GXYLT1: variants seen among roughly 807,000 people sequenced by gnomAD.
GXYLT1 encodes glycosyltransferase 8 domain containing 3.
Under a neutral mutation model 54.0 loss-of-function variants are expected in GXYLT1, and 29 were observed. The observed-to-expected ratio is 0.54, with a 90% CI of 0.40 to 0.73. The LOEUF (loss-of-function observed/expected upper bound fraction) is 0.73. Ranked by LOEUF, GXYLT1 falls within the 30% of genes least tolerant of loss-of-function variation. GXYLT1 has a pLI of 0.00. For synonymous variants in GXYLT1, 176 were observed against 204.1 expected (o/e 0.86, Z 1.17); for missense variants, 490 against 553.4 (o/e 0.89, Z 1.15).
chr12:42,137,305 G>A (rs1342091726), intron 1 of GXYLT1, among the ~76,000 whole-genome samples: 1 of 151,848 alleles, frequency 6.6e-6, no homozygotes, highest in Non-Finnish European at 1.5e-5. Context: ...TCAGGAGATC[G>A]AGACCATCCT....
chr12:42,134,895 T>A (rs1324514598), intron 1 of GXYLT1, among the ~76,000 whole-genome samples: 1 of 152,240 alleles, frequency 6.6e-6, no homozygotes, highest in East Asian at 1.9e-4. Context: ...CTTAAAGACC[T>A]TCTTGCATCA....
intron 1 of GXYLT1, among the ~76,000 whole-genome samples, chr12:42,141,384 T>C (rs1263855787): frequency 6.6e-6 from 1 of 152,216 alleles, no homozygotes; most frequent in Non-Finnish European, 1.5e-5. Flanking sequence ...CCTATAAATA[T>C]GTTTTGCTTG....
chr12:42,093,347 C>T (rs1166646151), intron 7 of GXYLT1, among the ~76,000 whole-genome samples: 2 of 152,044 alleles, frequency 1.3e-5, no homozygotes, highest in African/African-American at 4.8e-5. Context: ...GTGATCCGCC[C>T]GCCTCAGCCT....
chr12:42,087,036 A>G lies in GXYLT1; in HGVS notation c.*750T>C, dbSNP rs541033950. ...GTGATTAAAAAAAAATTCCCCAAAT[A>G]TCTATTTAACAATCTTAGATCTGAG... On this transcript the variant is annotated 3_prime_UTR_variant, in exon 8 of 8. Coordinates refer to ENST00000398675, the MANE Select transcript of GXYLT1 (RefSeq NM_173601.2). 2.0e-5 allele frequency: 3 copies of G among 152,286 alleles called. No homozygotes were observed. Among genetic ancestry groups the G allele is most frequent in the South Asian group, 4.1e-4 (2 of 4,828 alleles). 9.4% of individuals were successfully genotyped at this position (152,286 alleles called of 1,614,324 possible).
chr12:42,096,718 C>T (rs922673155), intron 7 of GXYLT1, among the ~76,000 whole-genome samples: 1 of 152,044 alleles, frequency 6.6e-6, no homozygotes, highest in Admixed American at 6.6e-5. Flanking sequence ...TAATGAGAAG[C>T]AGAATGTTTA....
At chr12:42,095,714 C>T (rs1183682546) in intron 7 of GXYLT1, among the ~76,000 whole-genome samples, 1 of 147,742 alleles carries the variant, frequency 6.8e-6, no homozygotes, top group Non-Finnish European at 1.5e-5. Context: ...ATATTAATAT[C>T]CCCCTATCAA....
At chr12:42,095,356 A>C (rs1390024168) in intron 7 of GXYLT1, among the ~76,000 whole-genome samples, 1 of 152,204 alleles carries the variant, frequency 6.6e-6, no homozygotes, top group African/African-American at 2.4e-5. Context: ...AATTCAAGCT[A>C]TTGGAAACTA....
At chr12:42,126,320 A>G (rs192827838) in intron 2 of GXYLT1, among the ~76,000 whole-genome samples, 21 of 152,074 alleles carry the variant, frequency 1.4e-4, no homozygotes, top group Middle Eastern at 3.4e-3. Context: ...GGCGATCGGC[A>G]CGCCTTGGCC....
chr12:42,124,228 A>C (rs2065547674), intron 2 of GXYLT1, among the ~76,000 whole-genome samples: 1 of 151,980 alleles, frequency 6.6e-6, no homozygotes, highest in African/African-American at 2.4e-5. Context: ...GAATTCACAA[A>C]TCTAAAATCA....
At chr12:42,129,141 C>T (rs1316836134) in intron 2 of GXYLT1, among the ~76,000 whole-genome samples, 1 of 152,154 alleles carries the variant, frequency 6.6e-6, no homozygotes, top group East Asian at 1.9e-4. Flanking sequence ...ATACCTGTTT[C>T]TTTCATTCTA....
At chr12:42,105,568 C>T (rs2065414229) in intron 5 of GXYLT1, among the ~76,000 whole-genome samples, 1 of 152,138 alleles carries the variant, frequency 6.6e-6, no homozygotes, top group Non-Finnish European at 1.5e-5. Context: ...AAGATGTTCA[C>T]TACTTAGGGC....
At chr12:42,088,203 G>A (rs1289804679) in intron 7 of GXYLT1, among the ~76,000 whole-genome samples, 1 of 151,558 alleles carries the variant, frequency 6.6e-6, no homozygotes, top group Non-Finnish European at 1.5e-5. Flanking sequence ...CTGAAATACT[G>A]GTTAAGAAGA....
At chr12:42,110,571 G>A (rs530578147) in intron 3 of GXYLT1, among the ~76,000 whole-genome samples, 58 of 152,216 alleles carry the variant, frequency 3.8e-4, no homozygotes, top group African/African-American at 1.1e-3. Context: ...TTGAGACAAG[G>A]TCTCACTCTG....
At chr12:42,097,830 AGATAAGTGCAT>A in intron 6 of GXYLT1, 69 bp downstream of exon 6, 1 of 1,119,368 alleles carries the variant, frequency 8.9e-7, no homozygotes, top group Non-Finnish European at 1.3e-6. Context: ...AGACAGAATC[AGATAAGTGCAT>A]GTTTTCCTTT....
intron 1 of GXYLT1, among the ~76,000 whole-genome samples, chr12:42,141,628 A>G (rs1344466195): frequency 1.3e-5 from 2 of 152,174 alleles, no homozygotes; most frequent in Admixed American, 6.5e-5. Context: ...ATGTCAAACT[A>G]TCAAGTTCTA....
intron 2 of GXYLT1, among the ~76,000 whole-genome samples, chr12:42,128,599 C>G (rs142551565): frequency 1.3e-5 from 2 of 152,272 alleles, no homozygotes; most frequent in Admixed American, 1.3e-4. Context: ...CCCATCAGAA[C>G]GTAAGCTCCA....
At chr12:42,126,090 T>C (rs1288612069) in intron 2 of GXYLT1, among the ~76,000 whole-genome samples, 7 of 151,580 alleles carry the variant, frequency 4.6e-5, no homozygotes, top group African/African-American at 1.7e-4. Context: ...TTTTTTTTTT[T>C]TGAGACAGAG....
intron 4 of GXYLT1, among the ~76,000 whole-genome samples, chr12:42,108,952 A>C (rs1023351918): frequency 2.0e-5 from 3 of 152,222 alleles, no homozygotes; most frequent in African/African-American, 7.2e-5. Flanking sequence ...GGTAAAATCA[A>C]ATCAAAATGA....
chr12:42,094,428 G>A (rs1020669454), intron 7 of GXYLT1, among the ~76,000 whole-genome samples: 1 of 151,480 alleles, frequency 6.6e-6, no homozygotes, highest in Non-Finnish European at 1.5e-5. Context: ...GAGGCTGACG[G>A]TGGCAGACTG....
Sources: allele counts gnomAD v4.1 joint callset (sites outside exome capture counted in the v4.1 genomes callset), GRCh38; gene constraint gnomAD v4.1.1; transcripts MANE v1.5; gene names NCBI Gene and HGNC (gene_info 2026-07-23, HGNC 2026-07-21).